Variants in ATXN1 observed in about 807,000 individuals in gnomAD.
The protein encoded by ATXN1 is ataxin-1.
In ATXN1, 8 loss-of-function variants were observed where a neutral mutation model predicts 56.4. That is an observed-to-expected ratio of 0.14 (90% CI 0.08 to 0.26). ATXN1 has a LOEUF of 0.26. Ranked by LOEUF, ATXN1 falls within the 10% of genes least tolerant of loss-of-function variation. The probability of loss-of-function intolerance (pLI) is 1.00; values close to 1 mark genes in which losing one functional copy is unlikely to be tolerated. For missense variants in ATXN1, 987 were observed against 1,106.5 expected (o/e 0.89, Z 1.53); for synonymous variants, 514 against 494.6 (o/e 1.04, Z -0.52).
intron 6 of ATXN1, among the ~76,000 whole-genome samples, chr6:16,458,009 G>C (rs188590826): frequency 1.3e-5 from 2 of 152,182 alleles, no homozygotes; most frequent in Non-Finnish European, 2.9e-5. Flanking sequence ...TGTCCTACAG[G>C]GTCCAGGGCA....
rs145699545 is a variant in ATXN1 at position 16,441,489 on chromosome 6, A to G, written c.-161+44483T>C. Among the ~76,000 whole-genome samples the G allele has an allele frequency of 2.6e-4, 40 of 152,320 alleles. No individual in the cohort carries two copies. The East Asian group carries it at 6.8e-3, about 26-fold the overall frequency. ...TGGTCAAATACAGTGCACAGTTATTATAAGAAGAAAAATCAGAGTAGCATT... is the reference window on the plus strand; with the variant it reads ...TGGTCAAATACAGTGCACAGTTATTGTAAGAAGAAAAATCAGAGTAGCATT... On this transcript the variant is annotated intron_variant, in intron 6 of 7. Transcript: ENST00000436367.
chr6:16,427,204 C>T (rs1308401358), intron 6 of ATXN1, among the ~76,000 whole-genome samples: 3 of 152,156 alleles, frequency 2.0e-5, no homozygotes, highest in South Asian at 2.1e-4. Context: ...CAGGGTTTCT[C>T]AGCCTTGGCA....
intron 4 of ATXN1, among the ~76,000 whole-genome samples, chr6:16,550,854 A>T (rs1354105762): frequency 6.6e-6 from 1 of 152,242 alleles, no homozygotes; most frequent in African/African-American, 2.4e-5. Flanking sequence ...CCATATTTGA[A>T]AACATTTTCC....
intron 6 of ATXN1, among the ~76,000 whole-genome samples, chr6:16,344,662 C>T (rs967780272): frequency 6.6e-6 from 1 of 152,230 alleles, no homozygotes; most frequent in Non-Finnish European, 1.5e-5. Context: ...GCTGCACTGT[C>T]GGCTTCCCTA....
At chr6:16,524,152 C>T (rs1761346976) in intron 4 of ATXN1, among the ~76,000 whole-genome samples, 1 of 152,154 alleles carries the variant, frequency 6.6e-6, no homozygotes, top group South Asian at 2.1e-4. Context: ...GATGGCCCAC[C>T]AGCCTGCAGG....
chr6:16,594,900 G>A (rs1009534350), intron 3 of ATXN1, among the ~76,000 whole-genome samples: 2 of 152,224 alleles, frequency 1.3e-5, no homozygotes, highest in Non-Finnish European at 2.9e-5. Context: ...TTCGTAAGAT[G>A]ACGGTTACTT....
Position 16,548,619 on chromosome 6 carries a change from CT to C in ATXN1, c.-360-25932del, listed in dbSNP as rs909625018. Among the ~76,000 whole-genome samples, 992 of 149,722 alleles carry C rather than the reference CT, an allele frequency of 6.6e-3. 8 individuals carry two copies. Among genetic ancestry groups the C allele is most frequent in the African/African-American group, 0.023 (938 of 40,812 alleles). On this transcript the variant is annotated intron_variant, in intron 4 of 7. Coordinates refer to ENST00000436367, the MANE Select transcript of ATXN1 (RefSeq NM_001128164.2). ...ATTTTCATTTTTAAAAAATTTTAAA[CT>C]TTTTTTTTTAAAACAATACTAAGGC...
intron 6 of ATXN1, among the ~76,000 whole-genome samples, chr6:16,415,390 G>A (rs113755256): frequency 0.13 from 19,768 of 152,050 alleles, 1,353 homozygotes; most frequent in Admixed American, 0.15. Context: ...CACCATGCCC[G>A]GCTAATTTTT....
At chr6:16,486,677 G>T (rs994769274) in intron 5 of ATXN1, among the ~76,000 whole-genome samples, 1 of 152,012 alleles carries the variant, frequency 6.6e-6, no homozygotes, top group Admixed American at 6.6e-5. Context: ...GAAAGAATAG[G>T]AACAGAAACG....
In ATXN1 at chr6:16,615,340, G is replaced by C. The variant is rs1226779157; in HGVS notation, c.-488-29433C>G. On this transcript the variant is annotated intron_variant, in intron 3 of 7. Coordinates refer to ENST00000436367, the MANE Select transcript of ATXN1 (RefSeq NM_001128164.2). Reference sequence around the variant, plus strand: ...TCGCATCTTGAAAGTAGAGAGGAAAGGAATGGAAGGGAGAACTGTTACTAT... The same window carrying C: ...TCGCATCTTGAAAGTAGAGAGGAAACGAATGGAAGGGAGAACTGTTACTAT... 4 of 151,380 alleles carry C rather than the reference G, an allele frequency of 2.6e-5. 2 individuals are homozygous for C. The highest frequency in any genetic ancestry group is 5.9e-5 in the Non-Finnish European group (4 of 67,762). The allele number at this position is 151,380 out of a possible 1,614,324, so 9.4% of individuals were successfully genotyped here.
intron 6 of ATXN1, among the ~76,000 whole-genome samples, chr6:16,343,851 G>C (rs1436363640): frequency 6.6e-6 from 1 of 152,190 alleles, no homozygotes; most frequent in Non-Finnish European, 1.5e-5. Flanking sequence ...GTGGGTGTGG[G>C]TGGCTGTGTC....
chr6:16,403,515 T>G (rs542481157), intron 6 of ATXN1, among the ~76,000 whole-genome samples: 2 of 152,310 alleles, frequency 1.3e-5, no homozygotes, highest in African/African-American at 4.8e-5. Flanking sequence ...TACACCTGAC[T>G]AATTTTTGTA....
chr6:16,721,231 G>A (rs575909799), intron 2 of ATXN1, among the ~76,000 whole-genome samples: 2 of 152,188 alleles, frequency 1.3e-5, no homozygotes, highest in Non-Finnish European at 2.9e-5. Flanking sequence ...GAGCTACTAC[G>A]AACAAGGTTA....
Position 16,306,813 on chromosome 6 carries a change from T to C in ATXN1, c.1964A>G (p.Gln655Arg), listed in dbSNP as rs771969294. The C allele has an allele frequency of 1.2e-6, 2 of 1,613,544 alleles. No homozygotes were observed. The highest frequency in any genetic ancestry group is 1.1e-5 in the South Asian group (1 of 91,076). Residue 655 changes from glutamine to arginine, a missense_variant, in exon 8 of 8, where the codon CAG becomes CGG. This residue lies in a region of ATXN1 where 68 missense variants were observed against 118.1 expected (regional missense o/e 0.58). Transcript: ENST00000436367. The surrounding 1 kb of genome is among the most constrained non-coding windows in gnomAD (Gnocchi z 5.2). ...CTCCGGACAGCAGGATGACCAGCCC[T>C]GTCCAAACACAAAAAAAGGATACTC... is the stretch of plus-strand genomic sequence containing the variant. ...LVEYPFFVFG[Q>R]GWSSCCPERT... is the part of the protein sequence containing the mutation.
At position 16,312,670 on chromosome 6, in the gene ATXN1, G is replaced by A. The variant is rs1359637598; in HGVS notation, c.1918-5811C>T. On this transcript the variant is annotated intron_variant, in intron 7 of 7. Coordinates refer to ENST00000436367, the MANE Select transcript of ATXN1 (RefSeq NM_001128164.2). ...GTTAGAGACCAGTCTGGCCAATATG[G>A]TGAAACCCTCTATTAAAAATACTAA... Among the ~76,000 whole-genome samples, 4 of 152,252 alleles carry A rather than the reference G, an allele frequency of 2.6e-5. No individual in the cohort carries two copies. In the East Asian group the frequency reaches 7.7e-4, roughly 29 times the overall value.
At chr6:16,471,406 C>T (rs903917732) in intron 6 of ATXN1, among the ~76,000 whole-genome samples, 3 of 152,070 alleles carry the variant, frequency 2.0e-5, no homozygotes, top group African/African-American at 7.2e-5. Flanking sequence ...CCTTAGAGCT[C>T]GGCATTCCTG....
At chr6:16,562,236 G>T (rs907416828) in intron 4 of ATXN1, among the ~76,000 whole-genome samples, 3 of 151,692 alleles carry the variant, frequency 2.0e-5, no homozygotes, top group African/African-American at 7.3e-5. Context: ...AGCCAGGTGT[G>T]GTGGCCTGCA....
At chr6:16,588,833 C>A (rs1311630360) in intron 3 of ATXN1, among the ~76,000 whole-genome samples, 1 of 152,118 alleles carries the variant, frequency 6.6e-6, no homozygotes, top group Non-Finnish European at 1.5e-5. Flanking sequence ...AAAGGAAGGT[C>A]ATCCCTTAAT....
At chr6:16,624,679 A>T (rs1763377591) in intron 3 of ATXN1, among the ~76,000 whole-genome samples, 1 of 152,182 alleles carries the variant, frequency 6.6e-6, no homozygotes, top group Non-Finnish European at 1.5e-5. Context: ...CTATAACAGC[A>T]CATACTGTGG....
Sources: gnomAD v4.1 joint callset for allele counts (sites outside exome capture counted in the v4.1 genomes callset) on GRCh38, gnomAD v4.1.1 for gene constraint, gnomAD v4.1.1 regional missense constraint, Gnocchi (gnomAD v3.1) non-coding constraint, MANE v1.5 for transcripts, NCBI Gene and HGNC (gene_info 2026-07-23, HGNC 2026-07-21) for gene names.